Variants in PRKG1 observed in about 807,000 individuals in gnomAD.
PRKG1 encodes protein kinase cGMP-dependent 1.
A neutral mutation model predicts 88.1 loss-of-function variants in PRKG1; 35 were observed. The observed-to-expected ratio is 0.40, with a 90% CI of 0.30 to 0.53. The LOEUF is 0.53. PRKG1 is among the 20% of genes least tolerant of loss of function. PRKG1 has a pLI of 0.59. For synonymous variants in PRKG1, 303 were observed against 292.5 expected, an observed-to-expected ratio of 1.04 and a Z score of -0.37; for missense variants, 540 against 839.8, an observed-to-expected ratio of 0.64 and a Z score of 4.41.
chr10:51,485,586 G>A (rs560593096), intron 3 of PRKG1, among the ~76,000 whole-genome samples: 15 of 152,268 alleles, frequency 9.9e-5, no homozygotes, highest in African/African-American at 3.6e-4. Flanking sequence ...AGTGATTAAA[G>A]TCATTGTTCA....
chr10:51,861,677 TA>T (rs1430952624), intron 4 of PRKG1, among the ~76,000 whole-genome samples: 1 of 152,230 alleles, frequency 6.6e-6, no homozygotes, highest in African/African-American at 2.4e-5. Context: ...CTTCTTACTT[TA>T]AAAATAGAAA....
intron 1 of PRKG1, among the ~76,000 whole-genome samples, chr10:51,047,748 C>T (rs1473753341): frequency 6.6e-6 from 1 of 151,876 alleles, no homozygotes; most frequent in Non-Finnish European, 1.5e-5. Flanking sequence ...CAGCATTGTG[C>T]TTGCCATATT....
Position 51,181,224 on chromosome 10 carries a change from A to ATTTTTTTT in PRKG1, c.478+27915_478+27922dup, listed in dbSNP as rs1223588085. ...AAGCTGACCAAGATTATTATATAGAATTTTTTTTTTTTTTTTTTTTTTTTT... is the reference window on the plus strand; with the variant it reads ...AAGCTGACCAAGATTATTATATAGAATTTTTTTTTTTTTTTTTTTTTTTTTTTTTTTTT... On this transcript the variant is annotated intron_variant, in intron 2 of 17. Transcript: ENST00000373980. Among the ~76,000 whole-genome samples the ATTTTTTTT allele has an allele frequency of 1.7e-3, 133 of 78,290 alleles. 18 individuals are homozygous for ATTTTTTTT. Among genetic ancestry groups the ATTTTTTTT allele is most frequent in the African/African-American group, 3.2e-3 (63 of 19,812 alleles). The allele number at this position is 78,290 out of a possible 152,430, so 51.4% of individuals were successfully genotyped here. A position where few individuals can be genotyped will look rare whatever the true frequency, so the allele number is the denominator to read the frequency against.
At chr10:51,960,453 G>A (rs1037282374) in intron 5 of PRKG1, among the ~76,000 whole-genome samples, 1 of 151,964 alleles carries the variant, frequency 6.6e-6, no homozygotes, top group African/African-American at 2.4e-5. Flanking sequence ...AATATTTATG[G>A]GAGTAAGATA....
chr10:51,456,880 A>G (rs1022101170), intron 2 of PRKG1, among the ~76,000 whole-genome samples: 13 of 152,342 alleles, frequency 8.5e-5, no homozygotes, highest in African/African-American at 3.1e-4. Flanking sequence ...GAAAACCACA[A>G]AGAGATACCA....
chr10:51,681,772 AGAT>A (rs1367876844), intron 3 of PRKG1, among the ~76,000 whole-genome samples: 3 of 152,200 alleles, frequency 2.0e-5, no homozygotes, highest in Non-Finnish European at 4.4e-5. Flanking sequence ...CAAAGATAGT[AGAT>A]GAGGATTAAT....
intron 3 of PRKG1, among the ~76,000 whole-genome samples, chr10:51,627,937 C>T (rs1004516139): frequency 0.044 from 941 of 21,164 alleles, 28 homozygotes; most frequent in Non-Finnish European, 0.093. Flanking sequence ...TTTCTTCCTT[C>T]CTTCCTTTCT....
intron 5 of PRKG1, chr10:51,909,432 G>A (rs558710204): frequency 2.6e-5 from 4 of 151,808 alleles, no homozygotes; most frequent in South Asian, 4.2e-4. Flanking sequence ...ACATCATGCC[G>A]AGAGAAAAGC....
intron 2 of PRKG1, among the ~76,000 whole-genome samples, chr10:51,223,094 A>G (rs540596141): frequency 6.6e-6 from 1 of 152,010 alleles, no homozygotes; most frequent in South Asian, 2.1e-4. Flanking sequence ...GAGGAATATT[A>G]ACTGTAATCA....
At chr10:51,202,166 C>G (rs770921509) in intron 2 of PRKG1, among the ~76,000 whole-genome samples, 2 of 152,156 alleles carry the variant, frequency 1.3e-5, no homozygotes, top group Non-Finnish European at 2.9e-5. Context: ...TTCCTCAAAG[C>G]GTTATCTATG....
intron 2 of PRKG1, among the ~76,000 whole-genome samples, chr10:51,309,323 C>A (rs188858660): frequency 3.3e-5 from 5 of 152,276 alleles, no homozygotes; most frequent in Admixed American, 1.3e-4. Context: ...GGAGAAAATA[C>A]TTGCAAACTA....
intron 1 of PRKG1, chr10:51,148,155 G>A (rs1210481771): frequency 3.2e-5 from 22 of 697,382 alleles, no homozygotes; most frequent in Non-Finnish European, 3.7e-5. Context: ...AAACTTTTAA[G>A]AGGCTCTGCA....
chr10:52,098,006 A>G (rs1847212331), intron 7 of PRKG1, among the ~76,000 whole-genome samples: 1 of 152,122 alleles, frequency 6.6e-6, no homozygotes, highest in African/African-American at 2.4e-5. Context: ...CATTTATCAT[A>G]TAGAATGTGA....
At chr10:51,578,360 T>C (rs76641408) in intron 3 of PRKG1, among the ~76,000 whole-genome samples, 10,525 of 152,164 alleles carry the variant, frequency 0.069, 1,200 homozygotes, top group African/African-American at 0.24. Flanking sequence ...TACTCATAAT[T>C]TTTTCTAAAG....
chr10:51,917,316 C>A (rs1589419771), intron 5 of PRKG1, among the ~76,000 whole-genome samples: 1 of 122,572 alleles, frequency 8.2e-6, no homozygotes, highest in South Asian at 2.3e-4. Flanking sequence ...AAGACTCCAT[C>A]TCAAAAAAAA....
intron 3 of PRKG1, among the ~76,000 whole-genome samples, chr10:51,469,432 TG>T (rs1839988783): frequency 6.6e-6 from 1 of 151,774 alleles, no homozygotes; most frequent in Non-Finnish European, 1.5e-5. Context: ...TTATGAAACA[TG>T]GAATTTTTAT....
chr10:52,251,816 C>A, intron 10 of PRKG1, 150 bp downstream of exon 10: 2 of 655,770 alleles, frequency 3.0e-6, no homozygotes, highest in Non-Finnish European at 5.0e-6. Flanking sequence ...TTGCGGCAGA[C>A]ATGTCATAAT....
intron 7 of PRKG1, among the ~76,000 whole-genome samples, chr10:52,092,976 A>G (rs1904019): frequency 0.097 from 14,725 of 152,132 alleles, 1,041 homozygotes; most frequent in East Asian, 0.34. Context: ...GGACTGTAGA[A>G]TCCTGGTTTT....
chr10:51,741,501 C>T (rs907357939), intron 3 of PRKG1, among the ~76,000 whole-genome samples: 9 of 151,882 alleles, frequency 5.9e-5, no homozygotes, highest in African/African-American at 1.5e-4. Context: ...TTCTGGGAGG[C>T]TGTTAGGAAC....
Sources: allele counts gnomAD v4.1 joint callset (sites outside exome capture counted in the v4.1 genomes callset), GRCh38; gene constraint gnomAD v4.1.1; transcripts MANE v1.5; gene names NCBI Gene and HGNC (gene_info 2026-07-23, HGNC 2026-07-21).